PSG2: variants seen among roughly 807,000 people sequenced by gnomAD.
PSG2 encodes the protein pregnancy specific beta-1-glycoprotein 2.
PSG2 carries 49 observed loss-of-function variants against 36.2 expected under a neutral mutation model. That is an observed-to-expected ratio of 1.35 (90% CI 1.08 to 1.72). The LOEUF (loss-of-function observed/expected upper bound fraction) is 1.72, where lower values mean the gene tolerates loss of function less well. Ranked by LOEUF, PSG2 falls within the 40% of genes most tolerant of loss-of-function variation. The probability of loss-of-function intolerance (pLI) is 0.00; values close to 1 mark genes in which losing one functional copy is unlikely to be tolerated. For synonymous variants in PSG2, 261 were observed against 155.6 expected, an observed-to-expected ratio of 1.68 and a Z score of -5.04; for missense variants, 605 against 407.2, an observed-to-expected ratio of 1.49 and a Z score of -4.18.
chr19:43,072,060 A>T, intron 3 of PSG2, 106 bp from the exon 4 acceptor site: 1 of 1,475,908 alleles, frequency 6.8e-7, no homozygotes. Context: ...CACATCCTCA[A>T]GTCCCAGCAA....
rs62112360 is a variant in PSG2 at position 43,073,708 on chromosome 19, G to T, written c.709+1646C>A. Among the ~76,000 whole-genome samples, 307 of 151,760 alleles carry T rather than the reference G, an allele frequency of 2.0e-3. 9 individuals are homozygous for T. The highest frequency in any genetic ancestry group is 3.4e-3 in the Middle Eastern group (1 of 294). On this transcript the variant is annotated intron_variant, in intron 3 of 5. Transcript: ENST00000406487. The stretch of plus-strand genomic sequence containing the variant: ...AGAATCAGAAGTTGTTCATGGGTGT[G>T]CAGTTTCAGTTATGCAAGGTAGGGA...
chr19:43,072,104 A>C lies in PSG2; in HGVS notation c.710-150T>G. On this transcript the variant is annotated intron_variant, in intron 3 of 5. Transcript: ENST00000406487. ...CTATGTTCACTGAGCCGAACCCTGA[A>C]GTATTCACCTGTTTCTCCCACCACA... 4.3e-6 allele frequency: 6 copies of C among 1,379,830 alleles called. No individual in the cohort carries two copies. The East Asian group carries it at 1.4e-4, about 32-fold the overall frequency. 85.5% of individuals were successfully genotyped at this position (1,379,830 alleles called of 1,614,324 possible).
Position 43,081,253 on chromosome 19 carries a change from G to A in PSG2, c.65-7C>T, listed in dbSNP as rs771214312. The A allele has an allele frequency of 2.0e-5, 32 of 1,609,938 alleles. No individual in the cohort carries two copies. The highest frequency in any genetic ancestry group is 5.0e-5 in the Admixed American group (3 of 59,702). On this transcript the variant is annotated splice_region_variant and splice_polypyrimidine_tract_variant and intron_variant, in intron 1 of 5. Coordinates refer to ENST00000406487, the MANE Select transcript of PSG2 (RefSeq NM_031246.4). ...CAGAAGTTTAAAAGTGATGCTAGGA[G>A]GTGGAGAGAGCATCAGACAATATTG...
chr19:43,068,976 A>G (rs888971106), intron 4 of PSG2, among the ~76,000 whole-genome samples: 15 of 151,794 alleles, frequency 9.9e-5, no homozygotes, highest in Admixed American at 7.2e-4. Context: ...CTAAAGGTGG[A>G]ACAAACCTAT....
rs144955959 is a variant in PSG2 at position 43,070,363 on chromosome 19, A to T, written c.964+1337T>A. Among the ~76,000 whole-genome samples the T allele has an allele frequency of 1.7e-4, 26 of 151,780 alleles. 2 individuals carry two copies. The highest frequency in any genetic ancestry group is 5.6e-4 in the African/African-American group (23 of 41,178). The stretch of plus-strand genomic sequence containing the variant: ...CCACTTCTGGACATACTCCCCATAG[A>T]ATTGAAAGAAATTTGAACAAATATT... On this transcript the variant is annotated intron_variant, in intron 4 of 5. Transcript: ENST00000406487.
chr19:43,078,703 G>C lies in PSG2; in HGVS notation c.430+2178C>G, dbSNP rs139871247. Among the ~76,000 whole-genome samples the C allele has an allele frequency of 6.4e-3, 977 of 151,748 alleles. 25 individuals are homozygous for C. The highest frequency in any genetic ancestry group is 0.019 in the African/African-American group (780 of 41,118). On this transcript the variant is annotated intron_variant, in intron 2 of 5. Coordinates refer to ENST00000406487, the MANE Select transcript of PSG2 (RefSeq NM_031246.4). ...CCTGATCCACTGGGGAGGCTGATTT[G>C]AGTAATAATAAACCTCTGTCCTCCT...
chr19:43,082,122 CTTTTTTTTTTTTTTTT>C (rs71169213), intron 1 of PSG2: 20 of 68,016 alleles, frequency 2.9e-4, no homozygotes, highest in Admixed American at 6.8e-4. Context: ...TTTCTTCTCT[CTTTTTTTTTTTTTTTT>C]TTTTTTTTTT....
rs545978838 is a variant in PSG2 at position 43,068,669 on chromosome 19, A to T, written c.965-2069T>A. 1.5e-4 allele frequency among the ~76,000 whole-genome samples: 23 copies of T among 151,840 alleles called. 2 individuals carry two copies. The highest frequency in any genetic ancestry group is 4.9e-4 in the African/African-American group (20 of 41,234). On this transcript the variant is annotated intron_variant, in intron 4 of 5. Transcript: ENST00000406487. ...TGAATCAATAAAAGCATTTGATGAA[A>T]TTCCATATTTTTTCATAAGAAAAAC...
chr19:43,072,748 T>A, intron 3 of PSG2: 1 of 1,515,020 alleles, frequency 6.6e-7, no homozygotes, highest in South Asian at 1.3e-5. Context: ...TGAAAGCCAA[T>A]AACTGGTGTG....
Position 43,071,605 on chromosome 19 carries a change from C to A in PSG2, c.964+95G>T, listed in dbSNP as rs1417295777. 124 of 1,610,722 alleles carry A rather than the reference C, an allele frequency of 7.7e-5. 2 individuals carry two copies. Among genetic ancestry groups the A allele is most frequent in the South Asian group, 4.0e-4 (36 of 90,972 alleles). ...GGGATTTGCTTTTGCCCATGGGACACAGGCTGGGAATAAAAATGTTTTCCT... is the reference window on the plus strand; with the variant it reads ...GGGATTTGCTTTTGCCCATGGGACAAAGGCTGGGAATAAAAATGTTTTCCT... On this transcript the variant is annotated intron_variant, in intron 4 of 5. Transcript: ENST00000406487.
At chr19:43,072,591 T>G in intron 3 of PSG2, 1 of 1,611,416 alleles carries the variant, frequency 6.2e-7, no homozygotes, top group Non-Finnish European at 8.5e-7. Context: ...TCCCTGGGGT[T>G]TAAGTTGTTG....
Position 43,071,744 on chromosome 19 carries a change from G to C in PSG2, c.920C>G (p.Ala307Gly). 1 of 1,612,972 alleles carries C rather than the reference G, an allele frequency of 6.2e-7. No individual in the cohort carries two copies. Among genetic ancestry groups the C allele is most frequent in the South Asian group, 1.1e-5 (1 of 91,042 alleles). The change falls in exon 4 of 6, where the codon GCC becomes GGC. Residue 307 changes from alanine to glycine, a missense_variant. Coordinates refer to ENST00000406487, the MANE Select transcript of PSG2 (RefSeq NM_031246.4). ...CGATGTGGAGCTTTCCTCGCCAGTG[G>C]CTGAGTTACGAACAGAGCAAACATA... Reference protein sequence around the residue: ...GLYVCSVRNSATGEESSTSLT... With the variant: ...GLYVCSVRNSGTGEESSTSLT...
chr19:43,065,442 T>C (rs1328459901), intron 5 of PSG2: 1 of 151,592 alleles, frequency 6.6e-6, no homozygotes, highest in Non-Finnish European at 1.5e-5. Context: ...CCTTGTTACG[T>C]GTTAGTAGTG....
chr19:43,071,609 C>G, intron 4 of PSG2, 91 bp downstream of exon 4: 1 of 1,610,916 alleles, frequency 6.2e-7, no homozygotes, highest in East Asian at 2.2e-5. Flanking sequence ...GGGACACAGG[C>G]TGGGAATAAA....
Position 43,074,094 on chromosome 19 carries a change from G to C in PSG2, c.709+1260C>G, listed in dbSNP as rs547617256. ...TTTAAGGCTTTGGGATGTGAGAAAGGCTGATTGCTATTTTCTGTGTCATCA... is the reference window on the plus strand; with the variant it reads ...TTTAAGGCTTTGGGATGTGAGAAAGCCTGATTGCTATTTTCTGTGTCATCA... On this transcript the variant is annotated intron_variant, in intron 3 of 5. Transcript: ENST00000406487. Among the ~76,000 whole-genome samples the C allele has an allele frequency of 2.6e-4, 39 of 151,772 alleles. 1 individual carries two copies. The Middle Eastern group carries it at 0.014, about 53-fold the overall frequency.
At chr19:43,071,277 A>T (rs1326529287) in intron 4 of PSG2, among the ~76,000 whole-genome samples, 2 of 151,514 alleles carry the variant, frequency 1.3e-5, no homozygotes, top group African/African-American at 4.9e-5. Flanking sequence ...TCCTCCTCTC[A>T]TTTGGGGGAA....
intron 2 of PSG2, 60 bp from the exon 3 acceptor site, chr19:43,075,692 T>C (rs887508498): frequency 1.7e-5 from 27 of 1,561,272 alleles, no homozygotes; most frequent in Non-Finnish European, 2.1e-5. Flanking sequence ...TCCAAAGGCA[T>C]TTTTCAATCA....
intron 3 of PSG2, chr19:43,072,752 TG>T: frequency 2.0e-6 from 3 of 1,504,348 alleles, no homozygotes; most frequent in Non-Finnish European, 2.7e-6. Context: ...AGCCAATAAC[TG>T]GTGTGTGTGT....
intron 3 of PSG2, among the ~76,000 whole-genome samples, chr19:43,073,613 G>T (rs1222945465): frequency 6.6e-6 from 1 of 151,572 alleles, no homozygotes; most frequent in Non-Finnish European, 1.5e-5. Flanking sequence ...CTACTCTAGG[G>T]ACCTCATGTA....
Sources: gnomAD v4.1 joint callset for allele counts (sites outside exome capture counted in the v4.1 genomes callset) on GRCh38, gnomAD v4.1.1 for gene constraint, MANE v1.5 for transcripts, NCBI Gene and HGNC (gene_info 2026-07-23, HGNC 2026-07-21) for gene names.